The following JARID2 variants were observed in gnomAD, a reference collection of about 807,000 sequenced individuals.
The protein encoded by JARID2 is protein Jumonji.
JARID2 carries 21 observed loss-of-function variants against 125.6 expected under a neutral mutation model. The ratio of observed to expected loss-of-function variants is 0.17; its 90% CI spans 0.12 to 0.24. The LOEUF (loss-of-function observed/expected upper bound fraction) is 0.24. Ranked by LOEUF, JARID2 falls within the 10% of genes least tolerant of loss-of-function variation. The pLI is 1.00. For synonymous variants in JARID2, 736 were observed against 661.6 expected (o/e 1.11, Z -1.73); for missense variants, 1,303 against 1,639.6 (o/e 0.79, Z 3.55).
chr6:15,500,798 C>A, intron 7 of JARID2, 109 bp from the exon 8 acceptor site: 1 of 929,244 alleles, frequency 1.1e-6, no homozygotes, highest in Non-Finnish European at 1.7e-6. Context: ...CAGAGCCTGT[C>A]AGAGTCCTGG....
chr6:15,413,012 T>TTTTG (rs1765962776), intron 3 of JARID2, among the ~76,000 whole-genome samples: 2 of 89,076 alleles, frequency 2.2e-5, no homozygotes, highest in East Asian at 2.7e-4. Context: ...GTTTTTGTTT[T>TTTTG]TTTTTTTTTT....
At chr6:15,410,423 G>A in intron 3 of JARID2, 58 bp downstream of exon 3, 1 of 1,555,896 alleles carries the variant, frequency 6.4e-7, no homozygotes, top group Non-Finnish European at 8.8e-7. Context: ...AAACTCAGGT[G>A]CCAGTTTTCA....
chr6:15,485,134 C>T (rs1393704458), intron 5 of JARID2, among the ~76,000 whole-genome samples: 1 of 152,146 alleles, frequency 6.6e-6, no homozygotes, highest in Non-Finnish European at 1.5e-5. Flanking sequence ...TGAGAGTATC[C>T]AGTAGAATCT....
chr6:15,281,921 GCT>G (rs898214244), intron 1 of JARID2, among the ~76,000 whole-genome samples: 20 of 129,078 alleles, frequency 1.5e-4, no homozygotes, highest in African/African-American at 5.1e-4. Context: ...CAGGGTATGT[GCT>G]CTGTGTGTGT....
intron 3 of JARID2, 105 bp downstream of exon 3, chr6:15,410,470 G>A (rs1415182474): frequency 2.3e-5 from 25 of 1,091,008 alleles, no homozygotes; most frequent in Non-Finnish European, 3.2e-5. Flanking sequence ...CCAATCTCTT[G>A]ATTTTCATAG....
At position 15,421,491 on chromosome 6, in the gene JARID2, G is replaced by A. The variant is rs553095675; in HGVS notation, c.323+11126G>A. Among the ~76,000 whole-genome samples the A allele has an allele frequency of 8.1e-4, 123 of 151,364 alleles. 1 individual carries two copies. The highest frequency in any genetic ancestry group is 2.9e-3 in the South Asian group (14 of 4,766). The stretch of plus-strand genomic sequence containing the variant: ...TCAAAATTAATAAACATAAGCATTC[G>A]GCCTATAATAAAAATAGTAAACTCC... On this transcript the variant is annotated intron_variant, in intron 3 of 17. Transcript: ENST00000341776.
intron 1 of JARID2, among the ~76,000 whole-genome samples, chr6:15,253,520 T>C (rs1759535681): frequency 6.6e-6 from 1 of 152,140 alleles, no homozygotes; most frequent in African/African-American, 2.4e-5. Context: ...TCTCTTAGGC[T>C]GTAGGAAAGA....
At chr6:15,328,829 G>A (rs1165867544) in intron 1 of JARID2, among the ~76,000 whole-genome samples, 7 of 152,220 alleles carry the variant, frequency 4.6e-5, no homozygotes, top group Non-Finnish European at 1.0e-4. Flanking sequence ...GCTGCAGGAA[G>A]GGTACCTGTC....
rs185175216 is a variant in JARID2, at chr6:15,272,818, A to G, written c.45+26234A>G. On this transcript the variant is annotated intron_variant, in intron 1 of 17. Transcript: ENST00000341776. ...ATAATTATAGTACCTGGGCCACTCA[A>G]TTTTGCGTGGCACTGGCTATACATT... Among the ~76,000 whole-genome samples the G allele has an allele frequency of 2.0e-3, 301 of 152,160 alleles. 2 individuals carry two copies. The highest frequency in any genetic ancestry group is 2.4e-4 in the Non-Finnish European group (16 of 68,006).
chr6:15,406,231 C>G (rs556543939), intron 2 of JARID2, among the ~76,000 whole-genome samples: 65 of 152,128 alleles, frequency 4.3e-4, no homozygotes, highest in Non-Finnish European at 8.1e-4. Context: ...GTCAAGAGAT[C>G]AAGACCGTAC....
At chr6:15,508,972 T>TAC (rs1479572475) in intron 12 of JARID2, 81 of 1,289,268 alleles carry the variant, frequency 6.3e-5, no homozygotes, top group Non-Finnish European at 8.1e-5. Context: ...AGCCTCTCTG[T>TAC]AGAGCCAGTG....
chr6:15,270,500 C>T (rs1760255875), intron 1 of JARID2, among the ~76,000 whole-genome samples: 1 of 152,166 alleles, frequency 6.6e-6, no homozygotes, highest in South Asian at 2.1e-4. Context: ...CCCTTGCCCT[C>T]ATTTTACAGG....
At chr6:15,519,134 A>AG (rs918529239) in intron 17 of JARID2, among the ~76,000 whole-genome samples, 1 of 152,048 alleles carries the variant, frequency 6.6e-6, no homozygotes, top group Non-Finnish European at 1.5e-5. Flanking sequence ...CACGCAGGGG[A>AG]GGGAACGGTG....
intron 1 of JARID2, among the ~76,000 whole-genome samples, chr6:15,274,319 A>G (rs1760411607): frequency 6.6e-6 from 1 of 152,070 alleles, no homozygotes. Flanking sequence ...GATGTCTTTA[A>G]TGTTTTTTTG....
chr6:15,363,446 A>G (rs957951391), intron 1 of JARID2, among the ~76,000 whole-genome samples: 4 of 152,182 alleles, frequency 2.6e-5, no homozygotes, highest in African/African-American at 9.7e-5. Flanking sequence ...CCACTGTAAG[A>G]TTCACAGAAT....
chr6:15,467,448 C>T (rs537217809), intron 4 of JARID2, among the ~76,000 whole-genome samples: 13 of 151,030 alleles, frequency 8.6e-5, no homozygotes, highest in Non-Finnish European at 1.6e-4. Context: ...TTAGAAGCCT[C>T]TGGTTCCAAA....
intron 1 of JARID2, among the ~76,000 whole-genome samples, chr6:15,251,306 G>A (rs116661759): frequency 0.077 from 11,677 of 152,264 alleles, 475 homozygotes; most frequent in Admixed American, 0.12. Flanking sequence ...GTGAGCCACT[G>A]CACCCAGCCA....
chr6:15,342,841 A>G (rs1306085585), intron 1 of JARID2, among the ~76,000 whole-genome samples: 1 of 152,162 alleles, frequency 6.6e-6, no homozygotes, highest in Non-Finnish European at 1.5e-5. Flanking sequence ...GTTTAGTACT[A>G]GTACTAAGTT....
At chr6:15,418,407 G>A (rs934322396) in intron 3 of JARID2, among the ~76,000 whole-genome samples, 3 of 151,838 alleles carry the variant, frequency 2.0e-5, no homozygotes, top group African/African-American at 7.3e-5. Flanking sequence ...TAGTAGAGAC[G>A]GTTTCACCAT....
Sources: allele counts gnomAD v4.1 joint callset (sites outside exome capture counted in the v4.1 genomes callset), GRCh38; gene constraint gnomAD v4.1.1; transcripts MANE v1.5; gene names NCBI Gene and HGNC (gene_info 2026-07-23, HGNC 2026-07-21).